Variants in PEPD observed in about 807,000 individuals in gnomAD.
The protein encoded by PEPD is xaa-Pro dipeptidase.
Under a neutral mutation model 60.7 loss-of-function variants are expected in PEPD, and 53 were observed. That is an observed-to-expected ratio of 0.87 (90% CI 0.70 to 1.10). The LOEUF (loss-of-function observed/expected upper bound fraction) is 1.10, where lower values mean the gene tolerates loss of function less well. PEPD is among the 50% of genes least tolerant of loss of function. The pLI, the probability that PEPD is intolerant of heterozygous loss-of-function variation, is 0.00. For synonymous variants in PEPD, 267 were observed against 284.1 expected (o/e 0.94, Z 0.60); for missense variants, 711 against 711.9 (o/e 1.00, Z 0.01).
chr19:33,392,268 C>T (rs1263133595), intron 12 of PEPD, among the ~76,000 whole-genome samples: 1 of 152,210 alleles, frequency 6.6e-6, no homozygotes, highest in East Asian at 1.9e-4. Flanking sequence ...CACACAGGCT[C>T]TGTGGGGCTC....
chr19:33,507,693 G>A lies in PEPD; in HGVS notation c.329+3335C>T, dbSNP rs182192788. Among the ~76,000 whole-genome samples the A allele has an allele frequency of 3.2e-4, 48 of 152,232 alleles. No homozygotes were observed. The East Asian group carries it at 7.9e-3, about 25-fold the overall frequency. Reference sequence around the variant, plus strand: ...AAGGCCAGGTACTCCCGTCAGCCTCGCTCCTGGTGCCCTATTGATTCCAGG... The same window carrying A: ...AAGGCCAGGTACTCCCGTCAGCCTCACTCCTGGTGCCCTATTGATTCCAGG... On this transcript the variant is annotated intron_variant, in intron 3 of 14. Transcript: ENST00000244137.
intron 9 of PEPD, among the ~76,000 whole-genome samples, chr19:33,432,799 T>G (rs1442629113): frequency 6.6e-6 from 1 of 152,158 alleles, no homozygotes; most frequent in Non-Finnish European, 1.5e-5. Flanking sequence ...ATCCCCCAAT[T>G]AAAGGCACAA....
chr19:33,433,983 C>G (rs925551075), intron 9 of PEPD, among the ~76,000 whole-genome samples: 2 of 25,664 alleles, frequency 7.8e-5, no homozygotes, highest in African/African-American at 3.7e-4. Flanking sequence ...CACAAACGTG[C>G]CCCGTGGGTG....
intron 9 of PEPD, among the ~76,000 whole-genome samples, chr19:33,437,905 T>TTCA (rs1568471076): frequency 1.3e-5 from 2 of 152,146 alleles, no homozygotes; most frequent in Non-Finnish European, 2.9e-5. Flanking sequence ...AAACTCTGAA[T>TTCA]AACACATGGA....
At position 33,411,668 on chromosome 19, in the gene PEPD, T is replaced by A; in HGVS notation, c.818+4A>T. On this transcript the variant is annotated splice_donor_region_variant and intron_variant, in intron 11 of 14. Transcript: ENST00000244137. ...ACAGAGCCAGGGCCGCTGGCCCTAC[T>A]TACCACATATCCCCATTCTGGATCG... 1 of 1,579,978 alleles carries A rather than the reference T, an allele frequency of 6.3e-7. No homozygotes were observed. The highest frequency in any genetic ancestry group is 2.2e-5 in the East Asian group (1 of 44,692).
At chr19:33,446,936 G>A (rs191359133) in intron 9 of PEPD, among the ~76,000 whole-genome samples, 3 of 152,362 alleles carry the variant, frequency 2.0e-5, no homozygotes, top group Admixed American at 2.0e-4. Context: ...AACAGCACCA[G>A]CAAAGCCCAG....
intron 9 of PEPD, among the ~76,000 whole-genome samples, chr19:33,442,776 ACT>A (rs938520982): frequency 1.3e-5 from 2 of 152,100 alleles, no homozygotes; most frequent in African/African-American, 4.8e-5. Context: ...TGGTCCCCTT[ACT>A]CAGAGGGTTG....
intron 9 of PEPD, among the ~76,000 whole-genome samples, chr19:33,428,913 C>T (rs1009088707): frequency 9.2e-5 from 14 of 152,226 alleles, no homozygotes; most frequent in South Asian, 4.1e-4. Flanking sequence ...TATGCATATA[C>T]GCACACATCC....
Position 33,388,243 on chromosome 19 carries a change from C to T in PEPD, c.1153-162G>A, listed in dbSNP as rs115553310. Reference sequence around the variant, plus strand: ...CCCCTGCTGTGCTGGGCCATGGGCACCCTGATAAGACCTTCCACCCTGCAC... The same window carrying T: ...CCCCTGCTGTGCTGGGCCATGGGCATCCTGATAAGACCTTCCACCCTGCAC... On this transcript the variant is annotated intron_variant, in intron 13 of 14. Coordinates refer to ENST00000244137, the MANE Select transcript of PEPD (RefSeq NM_000285.4). 1,026 of 711,722 alleles carry T rather than the reference C, an allele frequency of 1.4e-3. 5 individuals are homozygous for T. The highest frequency in any genetic ancestry group is 0.014 in the African/African-American group (812 of 57,552). The allele number at this position is 711,722 out of a possible 1,614,324, so 44.1% of individuals were successfully genotyped here.
chr19:33,424,474 G>C (rs1200436923), intron 9 of PEPD, among the ~76,000 whole-genome samples: 1 of 152,194 alleles, frequency 6.6e-6, no homozygotes, highest in South Asian at 2.1e-4. Context: ...GTTCGCGTCT[G>C]ACCCAATCTC....
chr19:33,478,462 A>T (rs1036008553), intron 6 of PEPD, among the ~76,000 whole-genome samples: 2 of 152,216 alleles, frequency 1.3e-5, no homozygotes, highest in Admixed American at 1.3e-4. Flanking sequence ...ATTAATCTAC[A>T]TATCCATAAA....
In PEPD at chr19:33,463,976, G is replaced by A; in HGVS notation, c.624+11C>T. On this transcript the variant is annotated intron_variant, in intron 8 of 14. Transcript: ENST00000244137. ...CTTTCCCCACTCAACCAGAGCCGGT[G>A]CCTGACTTACCTCACGGTGGGCCTC... 1 of 1,588,646 alleles carries A rather than the reference G, an allele frequency of 6.3e-7. No individual in the cohort carries two copies. Among genetic ancestry groups the A allele is most frequent in the Non-Finnish European group, 8.6e-7 (1 of 1,158,618 alleles).
rs991890877 is a variant in PEPD, at chr19:33,387,904, G to A, written c.1330C>T (p.Arg444Cys). The A allele has an allele frequency of 8.9e-6, 14 of 1,576,464 alleles. No homozygotes were observed. Among genetic ancestry groups the A allele is most frequent in the South Asian group, 5.8e-5 (5 of 86,192 alleles). Residue 444 changes from arginine (R) to cysteine (C), a missense_variant, in exon 14 of 15, where the codon CGC becomes TGC. Arg to Cys is a radical substitution (Grantham distance 180, BLOSUM62 -3). Coordinates refer to ENST00000244137, the MANE Select transcript of PEPD (RefSeq NM_000285.4). ...TGGGCACTCACCCCGCCAAAACCGC[G>A]AAAGCGCTGCAGGACCTCGCGGTTA... ...FLNREVLQRF[R>C]GFGGVRIEED...
intron 9 of PEPD, among the ~76,000 whole-genome samples, chr19:33,441,782 C>G (rs1226241332): frequency 6.6e-6 from 1 of 152,280 alleles, no homozygotes; most frequent in Non-Finnish European, 1.5e-5. Context: ...TTCTTCCTCA[C>G]TAGAGCTGGC....
chr19:33,448,125 G>A (rs112594832), intron 9 of PEPD, among the ~76,000 whole-genome samples: 153 of 152,290 alleles, frequency 1.0e-3, no homozygotes, highest in African/African-American at 3.5e-3. Flanking sequence ...CTCACGGCCC[G>A]GAATAATTAC....
chr19:33,480,391 G>A (rs551504163), intron 6 of PEPD, among the ~76,000 whole-genome samples: 1 of 152,308 alleles, frequency 6.6e-6, no homozygotes, highest in Admixed American at 6.5e-5. Context: ...GCCCTAAGAT[G>A]TATGTATCAA....
In PEPD at chr19:33,411,633, C is replaced by T. The variant is rs745415246; in HGVS notation, c.818+39G>A. ...GAAGTTGAGTCCAACCTTGGCCTGGCTGTTCACACACAGAGCCAGGGCCGC... is the reference window on the plus strand; with the variant it reads ...GAAGTTGAGTCCAACCTTGGCCTGGTTGTTCACACACAGAGCCAGGGCCGC... On this transcript the variant is annotated intron_variant, in intron 11 of 14. Transcript: ENST00000244137. 2.5e-6 allele frequency: 3 copies of T among 1,192,160 alleles called. No individual in the cohort carries two copies. In the South Asian group the frequency reaches 3.7e-5, roughly 15 times the overall value. The allele number at this position is 1,192,160 out of a possible 1,614,324, so 73.8% of individuals were successfully genotyped here. A position where few individuals can be genotyped will look rare whatever the true frequency, so the allele number is the denominator to read the frequency against.
chr19:33,419,907 A>G (rs900955956), intron 9 of PEPD, among the ~76,000 whole-genome samples: 41 of 152,356 alleles, frequency 2.7e-4, no homozygotes, highest in Admixed American at 1.9e-3. Flanking sequence ...GGGATCCGCC[A>G]ATCACAGGCA....
At chr19:33,457,058 G>A (rs1289018215) in intron 9 of PEPD, among the ~76,000 whole-genome samples, 3 of 149,448 alleles carry the variant, frequency 2.0e-5, no homozygotes, top group African/African-American at 5.0e-5. Context: ...AGCCCCACAC[G>A]GGAGGAGGAC....
Sources: allele counts gnomAD v4.1 joint callset (sites outside exome capture counted in the v4.1 genomes callset), GRCh38; gene constraint gnomAD v4.1.1; transcripts MANE v1.5; gene names NCBI Gene and HGNC (gene_info 2026-07-23, HGNC 2026-07-21).